Variants in ASIC2 observed in about 807,000 individuals in gnomAD.
The protein encoded by ASIC2 is acid sensing ion channel subunit 2.
In ASIC2, 25 loss-of-function variants were observed where a neutral mutation model predicts 57.3. The ratio of observed to expected loss-of-function variants is 0.44; its 90% CI spans 0.32 to 0.61. The LOEUF (loss-of-function observed/expected upper bound fraction) is 0.61, where lower values mean the gene tolerates loss of function less well. Among genes scored for constraint, ASIC2 ranks in the 20% least tolerant of loss-of-function variants. ASIC2 has a pLI of 0.06. For missense variants in ASIC2, 641 were observed against 738.1 expected (o/e 0.87, Z 1.52); for synonymous variants, 319 against 307.5 (o/e 1.04, Z -0.39).
At chr17:33,303,006 T>C (rs1906020144) in intron 1 of ASIC2, among the ~76,000 whole-genome samples, 1 of 152,200 alleles carries the variant, frequency 6.6e-6, no homozygotes, top group South Asian at 2.1e-4. Flanking sequence ...ACTCTAACCA[T>C]TCACTAAGCA....
intron 2 of ASIC2, among the ~76,000 whole-genome samples, chr17:33,107,369 G>T (rs1206913880): frequency 1.3e-5 from 2 of 152,178 alleles, no homozygotes; most frequent in Non-Finnish European, 2.9e-5. Flanking sequence ...TTATATTAAA[G>T]AATTCCTGCA....
chr17:33,784,691 T>C (rs1474524941), intron 1 of ASIC2, among the ~76,000 whole-genome samples: 1 of 152,186 alleles, frequency 6.6e-6, no homozygotes, highest in Non-Finnish European at 1.5e-5. Context: ...TAGTCCAAAA[T>C]CTGGTTTGTA....
At chr17:33,346,226 C>CAAAA (rs57042563) in intron 1 of ASIC2, among the ~76,000 whole-genome samples, 8 of 57,766 alleles carry the variant, frequency 1.4e-4, no homozygotes, top group Non-Finnish European at 2.0e-4. Context: ...GATTCCCTCT[C>CAAAA]AAAAAAAAAA....
chr17:33,764,097 T>A (rs1309575101), intron 1 of ASIC2, among the ~76,000 whole-genome samples: 2 of 151,978 alleles, frequency 1.3e-5, no homozygotes, highest in African/African-American at 4.8e-5. Flanking sequence ...ATCGAGACCA[T>A]CCTGGCCAAC....
At chr17:33,173,029 G>T (rs542566136) in intron 1 of ASIC2, among the ~76,000 whole-genome samples, 1 of 152,072 alleles carries the variant, frequency 6.6e-6, no homozygotes, top group African/African-American at 2.4e-5. Flanking sequence ...TGCCAGAGGG[G>T]ACATTACTCA....
intron 1 of ASIC2, among the ~76,000 whole-genome samples, chr17:34,029,439 C>CAT (rs1907507989): frequency 6.6e-6 from 1 of 150,790 alleles, no homozygotes; most frequent in African/African-American, 2.4e-5. Flanking sequence ...TAAGTGGGTA[C>CAT]AGCCCTTCAT....
intron 1 of ASIC2, among the ~76,000 whole-genome samples, chr17:34,011,757 T>C (rs1223346744): frequency 1.3e-5 from 2 of 152,182 alleles, no homozygotes; most frequent in Non-Finnish European, 2.9e-5. Context: ...TACCAGACTT[T>C]TAAGTAGCAT....
intron 1 of ASIC2, among the ~76,000 whole-genome samples, chr17:34,049,871 C>T (rs2142052395): frequency 6.6e-6 from 1 of 152,276 alleles, no homozygotes; most frequent in African/African-American, 2.4e-5. Flanking sequence ...TCATGTTGGA[C>T]CTTCAATAAA....
chr17:34,151,721 A>C (rs1184206772), intron 1 of ASIC2, among the ~76,000 whole-genome samples: 1 of 152,214 alleles, frequency 6.6e-6, no homozygotes, highest in East Asian at 1.9e-4. Context: ...ATAGTATGGA[A>C]TAGTGAGCAA....
At chr17:33,337,382 T>A (rs758391671) in intron 1 of ASIC2, among the ~76,000 whole-genome samples, 3 of 152,078 alleles carry the variant, frequency 2.0e-5, no homozygotes, top group Non-Finnish European at 4.4e-5. Context: ...CTGAGGAATG[T>A]TGTTGCCCAA....
At chr17:33,184,948 C>T (rs1373141401) in intron 1 of ASIC2, among the ~76,000 whole-genome samples, 2 of 152,144 alleles carry the variant, frequency 1.3e-5, no homozygotes, top group African/African-American at 4.8e-5. Context: ...CTAAAACATC[C>T]TCTATATATC....
At chr17:33,669,952 G>C (rs1433776773) in intron 1 of ASIC2, among the ~76,000 whole-genome samples, 2 of 152,192 alleles carry the variant, frequency 1.3e-5, no homozygotes, top group African/African-American at 2.4e-5. Flanking sequence ...GGCTGAAAAG[G>C]TTGAGAGATT....
intron 1 of ASIC2, among the ~76,000 whole-genome samples, chr17:33,809,085 G>T (rs186794965): frequency 5.3e-5 from 8 of 152,186 alleles, no homozygotes; most frequent in Non-Finnish European, 1.0e-4. Context: ...GGCAGCCAAG[G>T]TCTTGAACTT....
In ASIC2 at chr17:33,937,901, A is replaced by G. The variant is rs978279414; in HGVS notation, c.555+218077T>C. Among the ~76,000 whole-genome samples the G allele has an allele frequency of 2.0e-5, 3 of 152,162 alleles. No individual in the cohort carries two copies. The East Asian group carries it at 5.8e-4, about 29-fold the overall frequency. On this transcript the variant is annotated intron_variant, in intron 1 of 9. Coordinates refer to the ASIC2 transcript ENST00000359872. ...CAGATGATGACTTTTAGGGCTGGCA[A>G]TTTCTGTCCTTTGTGGGCAACATTG...
chr17:33,764,708 A>G (rs1345366298), intron 1 of ASIC2, among the ~76,000 whole-genome samples: 2 of 152,134 alleles, frequency 1.3e-5, no homozygotes, highest in African/African-American at 4.8e-5. Context: ...TTCATTCTTG[A>G]GGGTACAGCC....
At chr17:33,562,329 C>T (rs1916098500) in intron 1 of ASIC2, among the ~76,000 whole-genome samples, 1 of 152,130 alleles carries the variant, frequency 6.6e-6, no homozygotes, top group South Asian at 2.1e-4. Context: ...TGGTGCCAAG[C>T]ACAGACCTAG....
At chr17:34,140,575 A>G (rs924624785) in intron 1 of ASIC2, among the ~76,000 whole-genome samples, 8 of 152,162 alleles carry the variant, frequency 5.3e-5, no homozygotes, top group African/African-American at 1.7e-4. Flanking sequence ...ATGAACCTGA[A>G]CATCTAGCTG....
At chr17:34,006,439 A>C (rs1317366704) in intron 1 of ASIC2, 2 of 152,208 alleles carry the variant, frequency 1.3e-5, no homozygotes, top group Non-Finnish European at 2.9e-5. Context: ...GAAGGTGTTG[A>C]CTTGTTTTAA....
intron 1 of ASIC2, among the ~76,000 whole-genome samples, chr17:34,059,145 T>G (rs1248588904): frequency 6.6e-6 from 1 of 152,184 alleles, no homozygotes; most frequent in East Asian, 1.9e-4. Context: ...GGACTGCTCC[T>G]GCAGGACCTG....
Sources: allele counts gnomAD v4.1 joint callset (sites outside exome capture counted in the v4.1 genomes callset), GRCh38; gene constraint gnomAD v4.1.1; transcripts MANE v1.5; gene names NCBI Gene and HGNC (gene_info 2026-07-23, HGNC 2026-07-21).